TOX: variants seen among roughly 807,000 people sequenced by gnomAD.
TOX encodes the protein thymocyte selection-associated high mobility group box protein TOX.
In TOX, 11 loss-of-function variants were observed where a neutral mutation model predicts 53.7. That is an observed-to-expected ratio of 0.20 (90% CI 0.13 to 0.34). TOX has a LOEUF of 0.34. Among genes scored for constraint, TOX ranks in the 10% least tolerant of loss-of-function variants. The probability of loss-of-function intolerance (pLI) is 1.00; values close to 1 mark genes in which losing one functional copy is unlikely to be tolerated. For missense variants in TOX, 570 were observed against 664.6 expected (o/e 0.86, Z 1.56); for synonymous variants, 225 against 245.3 (o/e 0.92, Z 0.77).
chr8:59,011,739 C>A (rs2129418763), intron 1 of TOX, among the ~76,000 whole-genome samples: 1 of 152,250 alleles, frequency 6.6e-6, no homozygotes, highest in East Asian at 1.9e-4. Flanking sequence ...ATAATAACCA[C>A]CTTTCTTCTG....
chr8:58,867,050 G>A (rs763209566), intron 3 of TOX, among the ~76,000 whole-genome samples: 14 of 152,098 alleles, frequency 9.2e-5, no homozygotes, highest in Non-Finnish European at 1.6e-4. Flanking sequence ...GAACAAGAAG[G>A]AATATCTACC....
At chr8:58,943,786 A>G (rs932754486) in intron 2 of TOX, among the ~76,000 whole-genome samples, 1 of 152,112 alleles carries the variant, frequency 6.6e-6, no homozygotes, top group African/African-American at 2.4e-5. Context: ...TACCCATCCC[A>G]GTTCAGAGAT....
intron 1 of TOX, among the ~76,000 whole-genome samples, chr8:59,070,805 A>G (rs1804185804): frequency 6.6e-6 from 1 of 152,216 alleles, no homozygotes; most frequent in South Asian, 2.1e-4. Flanking sequence ...GATGAGGTGA[A>G]TGGGATAGAA....
chr8:58,908,908 G>A (rs528847499), intron 3 of TOX, among the ~76,000 whole-genome samples: 2 of 152,284 alleles, frequency 1.3e-5, no homozygotes, highest in African/African-American at 4.8e-5. Flanking sequence ...TTTCTTATAT[G>A]AAGTTGAAAA....
intron 2 of TOX, among the ~76,000 whole-genome samples, chr8:58,944,882 T>C (rs1812502194): frequency 6.6e-6 from 1 of 152,180 alleles, no homozygotes; most frequent in African/African-American, 2.4e-5. Flanking sequence ...TTTCAGTATA[T>C]TTGCCATTGA....
chr8:59,002,784 C>G (rs1813717909), intron 1 of TOX, among the ~76,000 whole-genome samples: 1 of 152,024 alleles, frequency 6.6e-6, no homozygotes, highest in Non-Finnish European at 1.5e-5. Flanking sequence ...AATAATATTT[C>G]TGATAGGGAA....
Position 58,989,375 on chromosome 8 carries a change from A to C in TOX, c.103-29367T>G, listed in dbSNP as rs544255372. Among the ~76,000 whole-genome samples the C allele has an allele frequency of 9.2e-5, 14 of 152,196 alleles. No individual in the cohort carries two copies. The East Asian group carries it at 2.7e-3, about 30-fold the overall frequency. On this transcript the variant is annotated intron_variant, in intron 1 of 8. Coordinates refer to ENST00000361421, the MANE Select transcript of TOX (RefSeq NM_014729.3). ...TTAGCTATGTTTAGTGCATGGTGTTATAAAGTGTCCTTTTTACCATAAGCC... is the reference window on the plus strand; with the variant it reads ...TTAGCTATGTTTAGTGCATGGTGTTCTAAAGTGTCCTTTTTACCATAAGCC...
chr8:58,887,410 C>T (rs148478046), intron 3 of TOX, among the ~76,000 whole-genome samples: 1 of 151,848 alleles, frequency 6.6e-6, no homozygotes, highest in Non-Finnish European at 1.5e-5. Context: ...CCTCTAAAGC[C>T]ATTTATACAT....
chr8:59,025,504 C>T (rs931708287), intron 1 of TOX, among the ~76,000 whole-genome samples: 1 of 152,144 alleles, frequency 6.6e-6, no homozygotes, highest in East Asian at 1.9e-4. Context: ...GCACATAGGA[C>T]CTTCAAGCAT....
At chr8:58,984,669 G>A (rs1297447081) in intron 1 of TOX, among the ~76,000 whole-genome samples, 1 of 151,486 alleles carries the variant, frequency 6.6e-6, no homozygotes, top group Admixed American at 6.6e-5. Context: ...TGTAGTCCCA[G>A]CTACTCGGGA....
intron 3 of TOX, among the ~76,000 whole-genome samples, chr8:58,875,944 T>G (rs886198065): frequency 6.6e-6 from 1 of 152,216 alleles, no homozygotes; most frequent in African/African-American, 2.4e-5. Flanking sequence ...GTCAGTATAA[T>G]CAAGGTTGTA....
intron 3 of TOX, among the ~76,000 whole-genome samples, chr8:58,888,500 CAAAG>C (rs1335083863): frequency 6.6e-6 from 1 of 151,870 alleles, no homozygotes; most frequent in East Asian, 1.9e-4. Context: ...CTTAGAAATA[CAAAG>C]AAATACCTAT....
intron 1 of TOX, among the ~76,000 whole-genome samples, chr8:59,029,811 A>G (rs576160023): frequency 9.4e-4 from 143 of 152,294 alleles, no homozygotes; most frequent in African/African-American, 3.3e-3. Flanking sequence ...CTCATCTTCC[A>G]ACCCATTATA....
intron 3 of TOX, among the ~76,000 whole-genome samples, chr8:58,933,571 G>A (rs1027041383): frequency 1.3e-5 from 2 of 151,122 alleles, no homozygotes; most frequent in Non-Finnish European, 2.9e-5. Context: ...TTTGAAGGGG[G>A]GTGGGGGGTG....
At chr8:59,083,158 A>G (rs1256779119) in intron 1 of TOX, among the ~76,000 whole-genome samples, 1 of 152,240 alleles carries the variant, frequency 6.6e-6, no homozygotes, top group Non-Finnish European at 1.5e-5. Flanking sequence ...AAAATTAGAA[A>G]GGGAGGAAGG....
At chr8:59,020,906 A>C (rs903812358) in intron 1 of TOX, among the ~76,000 whole-genome samples, 9 of 152,096 alleles carry the variant, frequency 5.9e-5, no homozygotes, top group Non-Finnish European at 1.3e-4. Flanking sequence ...TTATTAAAGG[A>C]ATAGAGTTCC....
At chr8:59,077,125 T>C (rs935671602) in intron 1 of TOX, among the ~76,000 whole-genome samples, 3 of 152,170 alleles carry the variant, frequency 2.0e-5, no homozygotes, top group Non-Finnish European at 4.4e-5. Flanking sequence ...CCACACCCCA[T>C]AAGGCAGCTC....
In TOX at chr8:58,833,622, A is replaced by C. The variant is rs1401361901; in HGVS notation, c.924+4459T>G. Reference sequence around the variant, plus strand: ...TGCAGGTTCCAGTCCGTGAAAGATAAGTAGCAGAGACCAACATCACAGCAA... The same window carrying C: ...TGCAGGTTCCAGTCCGTGAAAGATACGTAGCAGAGACCAACATCACAGCAA... On this transcript the variant is annotated intron_variant, in intron 5 of 8. Transcript: ENST00000361421. Among the ~76,000 whole-genome samples the C allele has an allele frequency of 2.6e-5, 4 of 152,342 alleles. No individual in the cohort carries two copies. In the South Asian group the frequency reaches 8.3e-4, roughly 32 times the overall value.
intron 1 of TOX, among the ~76,000 whole-genome samples, chr8:58,966,012 G>A (rs1201798356): frequency 2.0e-5 from 3 of 148,476 alleles, no homozygotes; most frequent in Non-Finnish European, 4.4e-5. Flanking sequence ...CAAATATAGG[G>A]TGATAATACG....
Sources: gnomAD v4.1 joint callset for allele counts (sites outside exome capture counted in the v4.1 genomes callset) on GRCh38, gnomAD v4.1.1 for gene constraint, MANE v1.5 for transcripts, NCBI Gene and HGNC (gene_info 2026-07-23, HGNC 2026-07-21) for gene names.